TNR: variants seen among roughly 807,000 people sequenced by gnomAD.
TNR encodes tenascin-R.
TNR carries 45 observed loss-of-function variants against 150.4 expected under a neutral mutation model. The observed-to-expected ratio is 0.30, with a 90% CI of 0.24 to 0.38. The LOEUF is 0.38. TNR is among the 10% of genes least tolerant of loss of function. The pLI is 1.00. For synonymous variants in TNR, 687 were observed against 678.4 expected, an observed-to-expected ratio of 1.01 and a Z score of -0.20; for missense variants, 1,544 against 1,759.1, an observed-to-expected ratio of 0.88 and a Z score of 2.19.
intron 1 of TNR, among the ~76,000 whole-genome samples, chr1:175,557,818 C>A (rs1052006879): frequency 5.5e-5 from 7 of 127,908 alleles, no homozygotes; most frequent in Admixed American, 8.7e-5. Context: ...AAGACACATG[C>A]ACACGTATGT....
At chr1:175,565,300 A>G (rs953064845) in intron 1 of TNR, among the ~76,000 whole-genome samples, 1 of 152,100 alleles carries the variant, frequency 6.6e-6, no homozygotes, top group Non-Finnish European at 1.5e-5. Flanking sequence ...TCCCATCCCC[A>G]CCAGAGGTGA....
chr1:175,700,086 G>A (rs1187234571), intron 1 of TNR, among the ~76,000 whole-genome samples: 1 of 151,546 alleles, frequency 6.6e-6, no homozygotes, highest in East Asian at 1.9e-4. Flanking sequence ...CCAAGCGAAG[G>A]AGAAAGAGGG....
chr1:175,663,848 C>G (rs1162873607), intron 1 of TNR, among the ~76,000 whole-genome samples: 1 of 152,168 alleles, frequency 6.6e-6, no homozygotes, highest in Non-Finnish European at 1.5e-5. Context: ...ATCATATCAC[C>G]CAATTGACAG....
intron 1 of TNR, among the ~76,000 whole-genome samples, chr1:175,726,399 A>T (rs556222014): frequency 3.9e-5 from 6 of 152,226 alleles, no homozygotes; most frequent in Non-Finnish European, 8.8e-5. Context: ...AAAAAGTGTG[A>T]TTGTATAGAT....
chr1:175,395,866 C>T (rs183655152), intron 5 of TNR, among the ~76,000 whole-genome samples: 3 of 152,220 alleles, frequency 2.0e-5, no homozygotes, highest in African/African-American at 7.2e-5. Context: ...TAGGTACACA[C>T]CCACAGAAGT....
Position 175,470,691 on chromosome 1 carries a change from T to G in TNR, c.-64+57578A>C, listed in dbSNP as rs79226686. 8.9e-3 allele frequency among the ~76,000 whole-genome samples: 1,354 copies of G among 152,284 alleles called. 18 individuals carry two copies. The highest frequency in any genetic ancestry group is 0.031 in the African/African-American group (1,302 of 41,552). ...TTTAAGTTATTTAAAAATACACAAT[T>G]AAGTTGTTATTGTCTATAGTCATCC... On this transcript the variant is annotated intron_variant, in intron 2 of 22. Transcript: ENST00000367674.
chr1:175,600,871 T>A (rs1012415322), intron 1 of TNR, among the ~76,000 whole-genome samples: 1 of 152,216 alleles, frequency 6.6e-6, no homozygotes, highest in African/African-American at 2.4e-5. Flanking sequence ...ATGCAGATCC[T>A]GAATTTAAGA....
At chr1:175,654,827 T>A (rs1665124196) in intron 1 of TNR, among the ~76,000 whole-genome samples, 1 of 144,106 alleles carries the variant, frequency 6.9e-6, no homozygotes. Flanking sequence ...CACGCCATTC[T>A]CCCGCCTCAG....
intron 1 of TNR, among the ~76,000 whole-genome samples, chr1:175,537,802 G>A (rs913169735): frequency 7.9e-5 from 12 of 152,280 alleles, no homozygotes; most frequent in African/African-American, 2.4e-4. Context: ...CCTCTCCCTC[G>A]TCAGGGGCCA....
Position 175,661,236 on chromosome 1 carries a change from C to T in TNR, c.-165+81990G>A, listed in dbSNP as rs1163427278. Among the ~76,000 whole-genome samples the T allele has an allele frequency of 3.9e-5, 6 of 152,312 alleles. No homozygotes were observed. In the East Asian group the frequency reaches 1.2e-3, roughly 29 times the overall value. On this transcript the variant is annotated intron_variant, in intron 1 of 22. Coordinates refer to ENST00000367674, the MANE Select transcript of TNR (RefSeq NM_003285.3). ...GCCACCCTCGCTGAGGCACCAGACA[C>T]ACAAATGGAGAAGCATCTCAGGCAT...
chr1:175,353,792 G>A (rs1040167479), intron 18 of TNR, among the ~76,000 whole-genome samples: 4 of 152,076 alleles, frequency 2.6e-5, no homozygotes, highest in African/African-American at 9.7e-5. Flanking sequence ...AAACTTTGCT[G>A]GAAAACCACT....
intron 2 of TNR, among the ~76,000 whole-genome samples, chr1:175,467,509 C>A (rs1480387060): frequency 6.6e-6 from 1 of 152,164 alleles, no homozygotes; most frequent in Non-Finnish European, 1.5e-5. Flanking sequence ...AGAGGAATGA[C>A]CTTTCTAGCC....
chr1:175,386,593 A>G (rs573415465), intron 7 of TNR, among the ~76,000 whole-genome samples: 26 of 152,194 alleles, frequency 1.7e-4, no homozygotes, highest in Middle Eastern at 6.8e-3. Flanking sequence ...TGCTGGCTTG[A>G]AAGAGTCAGC....
chr1:175,518,127 A>T (rs1394449543), intron 2 of TNR, among the ~76,000 whole-genome samples: 2 of 152,228 alleles, frequency 1.3e-5, no homozygotes, highest in Non-Finnish European at 2.9e-5. Context: ...ATTACATTGA[A>T]ATATAATACT....
intron 1 of TNR, among the ~76,000 whole-genome samples, chr1:175,681,773 T>C (rs1032159165): frequency 3.3e-5 from 5 of 152,034 alleles, no homozygotes; most frequent in African/African-American, 7.2e-5. Flanking sequence ...AGGGAAGGGC[T>C]GGGAGCAGGA....
At chr1:175,411,393 A>T (rs1422445795) in intron 2 of TNR, among the ~76,000 whole-genome samples, 1 of 152,186 alleles carries the variant, frequency 6.6e-6, no homozygotes, top group Non-Finnish European at 1.5e-5. Context: ...CTAACCCACT[A>T]TAATATGGCA....
chr1:175,533,981 T>C (rs74127326), intron 1 of TNR, among the ~76,000 whole-genome samples: 6,252 of 152,244 alleles, frequency 0.041, 262 homozygotes, highest in African/African-American at 0.1. Flanking sequence ...AGGTCTTGGT[T>C]TGGAGGTCAG....
chr1:175,354,364 G>T, intron 18 of TNR, 27 bp downstream of exon 18: 1 of 1,610,564 alleles, frequency 6.2e-7, no homozygotes. Context: ...TGGAGAAGAA[G>T]GCATCAAAGT....
At position 175,356,295 on chromosome 1, in the gene TNR, G is replaced by T. The variant is rs377534855; in HGVS notation, c.3118+24C>A. 600 of 1,613,432 alleles carry T rather than the reference G, an allele frequency of 3.7e-4. 1 individual carries two copies. The highest frequency in any genetic ancestry group is 4.8e-4 in the Non-Finnish European group (572 of 1,179,688). On this transcript the variant is annotated intron_variant, in intron 16 of 22. Coordinates refer to ENST00000367674, the MANE Select transcript of TNR (RefSeq NM_003285.3). ...TCCACAAAAGTCCCCAGGGATACGG[G>T]TATGTAGGTGACCATGTACTCACGA...
Sources: allele counts gnomAD v4.1 joint callset (sites outside exome capture counted in the v4.1 genomes callset), GRCh38; gene constraint gnomAD v4.1.1; transcripts MANE v1.5; gene names NCBI Gene and HGNC (gene_info 2026-07-23, HGNC 2026-07-21).